The following KCNAB1 variants were observed in gnomAD, a reference collection of about 807,000 sequenced individuals.
The protein encoded by KCNAB1 is potassium voltage-gated channel subfamily A regulatory beta subunit 1, also known as voltage-gated potassium channel subunit beta-1.
Under a neutral mutation model 64.6 loss-of-function variants are expected in KCNAB1, and 35 were observed. The ratio of observed to expected loss-of-function variants is 0.54; its 90% CI spans 0.41 to 0.72. The LOEUF (loss-of-function observed/expected upper bound fraction) is 0.72, where lower values mean the gene tolerates loss of function less well. Among genes scored for constraint, KCNAB1 ranks in the 30% least tolerant of loss-of-function variants. KCNAB1 has a pLI of 0.00. For missense variants in KCNAB1, 401 were observed against 512.9 expected, an observed-to-expected ratio of 0.78 and a Z score of 2.11; for synonymous variants, 177 against 183.8, an observed-to-expected ratio of 0.96 and a Z score of 0.30.
intron 8 of KCNAB1, among the ~76,000 whole-genome samples, chr3:156,486,017 A>T (rs1715185797): frequency 6.6e-6 from 1 of 152,052 alleles, no homozygotes; most frequent in Non-Finnish European, 1.5e-5. Context: ...GGTCCTGTTC[A>T]GGTTGATCAC....
chr3:156,371,672 T>A (rs1411492659), intron 1 of KCNAB1, among the ~76,000 whole-genome samples: 1 of 152,186 alleles, frequency 6.6e-6, no homozygotes, highest in Non-Finnish European at 1.5e-5. Context: ...GGGGCTTGAA[T>A]GTACTGCAGT....
At chr3:156,129,794 A>C (rs1420688762) in intron 1 of KCNAB1, among the ~76,000 whole-genome samples, 1 of 152,168 alleles carries the variant, frequency 6.6e-6, no homozygotes, top group Non-Finnish European at 1.5e-5. Flanking sequence ...TCTCTCTATG[A>C]GCCCCTCAAG....
At chr3:156,140,463 G>A (rs1714643787) in intron 1 of KCNAB1, among the ~76,000 whole-genome samples, 2 of 152,244 alleles carry the variant, frequency 1.3e-5, no homozygotes, top group South Asian at 4.1e-4. Context: ...TCCTTCCAGT[G>A]TCCTTACATG....
intron 1 of KCNAB1, among the ~76,000 whole-genome samples, chr3:156,310,147 C>G (rs1721793520): frequency 6.6e-6 from 1 of 152,114 alleles, no homozygotes; most frequent in South Asian, 2.1e-4. Flanking sequence ...GTCTTTCTCC[C>G]CTCACTAATC....
chr3:156,376,885 G>C (rs931493266), intron 1 of KCNAB1, among the ~76,000 whole-genome samples: 2 of 152,176 alleles, frequency 1.3e-5, no homozygotes, highest in Admixed American at 1.3e-4. Flanking sequence ...ATGGAACAAG[G>C]ACTTGAGGAG....
chr3:156,245,482 A>G (rs78525607), intron 1 of KCNAB1, among the ~76,000 whole-genome samples: 173 of 152,216 alleles, frequency 1.1e-3, no homozygotes, highest in Middle Eastern at 3.4e-3. Flanking sequence ...CCAGTTTTAC[A>G]TGCACTCATT....
chr3:156,524,105 G>T, intron 12 of KCNAB1, 158 bp downstream of exon 12: 4 of 737,444 alleles, frequency 5.4e-6, no homozygotes, highest in African/African-American at 3.6e-5. Context: ...AGTTATTTGA[G>T]GTTCCCCAGA....
chr3:156,279,012 T>A (rs1367459218), intron 1 of KCNAB1, among the ~76,000 whole-genome samples: 16 of 152,122 alleles, frequency 1.1e-4, no homozygotes, highest in Admixed American at 2.0e-4. Flanking sequence ...CATGTGCACA[T>A]TGTGCAGGTT....
intron 8 of KCNAB1, among the ~76,000 whole-genome samples, chr3:156,483,326 C>T (rs1488910987): frequency 6.6e-6 from 1 of 152,144 alleles, no homozygotes; most frequent in African/African-American, 2.4e-5. Flanking sequence ...CAGAGGATTT[C>T]TGTGGCTAGA....
rs77282683 is a variant in KCNAB1, at chr3:156,307,091, T to C, written c.276-114525T>C. Among the ~76,000 whole-genome samples, 12 of 152,334 alleles carry C rather than the reference T, an allele frequency of 7.9e-5. No homozygotes were observed. In the East Asian group the frequency reaches 2.1e-3, roughly 27 times the overall value. On this transcript the variant is annotated intron_variant, in intron 1 of 13. Transcript: ENST00000490337. ...TAGAAAAATATTAACATGTCATATGTCTTGCTACCTAAGTTTGTGACCTAA... is the reference window on the plus strand; with the variant it reads ...TAGAAAAATATTAACATGTCATATGCCTTGCTACCTAAGTTTGTGACCTAA...
chr3:156,446,498 A>G (rs1454467115), intron 2 of KCNAB1, among the ~76,000 whole-genome samples: 2 of 152,194 alleles, frequency 1.3e-5, no homozygotes, highest in Admixed American at 1.3e-4. Flanking sequence ...TCTCTCAATT[A>G]TGACTACATT....
chr3:156,381,764 G>A lies in KCNAB1; in HGVS notation c.276-39852G>A, dbSNP rs951283811. Among the ~76,000 whole-genome samples the A allele has an allele frequency of 6.3e-4, 96 of 152,274 alleles. 1 individual carries two copies. The highest frequency in any genetic ancestry group is 3.4e-3 in the Middle Eastern group (1 of 294). On this transcript the variant is annotated intron_variant, in intron 1 of 13. Transcript: ENST00000490337. Reference sequence around the variant, plus strand: ...ACTACTACTACCTAGTTCCTTCTCTGCTCACCTCCATATCCTGTGGCCCCT... The same window carrying A: ...ACTACTACTACCTAGTTCCTTCTCTACTCACCTCCATATCCTGTGGCCCCT...
At chr3:156,306,082 G>A (rs897111644) in intron 1 of KCNAB1, among the ~76,000 whole-genome samples, 2 of 152,182 alleles carry the variant, frequency 1.3e-5, no homozygotes, top group African/African-American at 2.4e-5. Flanking sequence ...GAATATCTGC[G>A]TGGAAGCTAT....
At chr3:156,153,683 T>G (rs1178336877) in intron 1 of KCNAB1, among the ~76,000 whole-genome samples, 1 of 152,248 alleles carries the variant, frequency 6.6e-6, no homozygotes, top group Non-Finnish European at 1.5e-5. Flanking sequence ...TCTGCCTGAT[T>G]GTTGGATCTG....
At chr3:156,527,117 G>A (rs565191579) in intron 12 of KCNAB1, among the ~76,000 whole-genome samples, 41 of 152,200 alleles carry the variant, frequency 2.7e-4, no homozygotes, top group African/African-American at 9.4e-4. Context: ...ATGTATGACT[G>A]GTGCTTTAAT....
chr3:156,246,831 A>G (rs1717485039), intron 1 of KCNAB1, among the ~76,000 whole-genome samples: 1 of 152,146 alleles, frequency 6.6e-6, no homozygotes, highest in African/African-American at 2.4e-5. Context: ...AAGGTAGGTG[A>G]CAAAGGTAGT....
intron 1 of KCNAB1, among the ~76,000 whole-genome samples, chr3:156,399,824 T>G (rs1713753981): frequency 2.0e-5 from 3 of 152,232 alleles, no homozygotes; most frequent in Admixed American, 6.5e-5. Context: ...AATCATTCCA[T>G]TGTAAAATAG....
chr3:156,520,750 C>T (rs1273950895), intron 11 of KCNAB1, among the ~76,000 whole-genome samples: 1 of 152,232 alleles, frequency 6.6e-6, no homozygotes, highest in Non-Finnish European at 1.5e-5. Context: ...GTTTTCGGCT[C>T]TAGCATTTTA....
At chr3:156,459,991 A>G in intron 5 of KCNAB1, 120 bp downstream of exon 5, 1 of 678,390 alleles carries the variant, frequency 1.5e-6, no homozygotes, top group East Asian at 2.8e-5. Flanking sequence ...CTGTTTTTAA[A>G]GCAATGATTT....
Sources: gnomAD v4.1 joint callset for allele counts (sites outside exome capture counted in the v4.1 genomes callset) on GRCh38, gnomAD v4.1.1 for gene constraint, MANE v1.5 for transcripts, NCBI Gene and HGNC (gene_info 2026-07-23, HGNC 2026-07-21) for gene names.